PDE4D: variants seen among roughly 807,000 people sequenced by gnomAD.
The protein encoded by PDE4D is phosphodiesterase 4D, also known as 3',5'-cyclic-AMP phosphodiesterase 4D.
PDE4D carries 24 observed loss-of-function variants against 87.4 expected under a neutral mutation model. The observed-to-expected ratio is 0.27, with a 90% CI of 0.20 to 0.39. The LOEUF (loss-of-function observed/expected upper bound fraction) is 0.39. Ranked by LOEUF, PDE4D falls within the 10% of genes least tolerant of loss-of-function variation. PDE4D has a pLI of 1.00. For missense variants in PDE4D, 714 were observed against 1,041.0 expected, an observed-to-expected ratio of 0.69 and a Z score of 4.32; for synonymous variants, 384 against 383.2, an observed-to-expected ratio of 1.00 and a Z score of -0.02.
At chr5:60,035,230 T>C (rs1414321445) in intron 2 of PDE4D, among the ~76,000 whole-genome samples, 1 of 147,224 alleles carries the variant, frequency 6.8e-6, no homozygotes, top group Non-Finnish European at 1.5e-5. Context: ...CACACCAGCC[T>C]GGGCAACAGA....
intron 1 of PDE4D, among the ~76,000 whole-genome samples, chr5:59,758,464 C>T (rs1240905486): frequency 1.3e-5 from 2 of 152,084 alleles, no homozygotes; most frequent in Non-Finnish European, 2.9e-5. Context: ...GAATAAGTGC[C>T]TCATCTGAAA....
intron 1 of PDE4D, among the ~76,000 whole-genome samples, chr5:59,294,161 A>G (rs1403602799): frequency 1.3e-5 from 2 of 152,160 alleles, no homozygotes; most frequent in Admixed American, 6.6e-5. Context: ...TAGTATGCGG[A>G]CAGACCTACT....
chr5:60,109,647 G>T lies in PDE4D; in HGVS notation c.42+75910C>A, dbSNP rs140720395. Among the ~76,000 whole-genome samples, 656 of 152,296 alleles carry T rather than the reference G, an allele frequency of 4.3e-3. 5 individuals are homozygous for T. The highest frequency in any genetic ancestry group is 0.015 in the African/African-American group (638 of 41,552). ...CAATGATAGACTGGATTAAGAAAAT[G>T]TGGCACATATACACCATGGAATAAT... On this transcript the variant is annotated intron_variant, in intron 2 of 16. Coordinates refer to the PDE4D transcript ENST00000502484.
chr5:60,124,969 C>T (rs1779002014), intron 2 of PDE4D, among the ~76,000 whole-genome samples: 2 of 152,180 alleles, frequency 1.3e-5, no homozygotes, highest in Non-Finnish European at 1.5e-5. Flanking sequence ...CAAGCCTTTC[C>T]TCACTCTAGG....
intron 1 of PDE4D, among the ~76,000 whole-genome samples, chr5:59,537,581 T>C (rs1037989121): frequency 4.6e-5 from 7 of 152,158 alleles, no homozygotes; most frequent in African/African-American, 1.7e-4. Context: ...AAAAGTAAAA[T>C]AACTTCAGAA....
At chr5:60,043,500 T>G (rs553198568) in intron 2 of PDE4D, among the ~76,000 whole-genome samples, 6 of 152,168 alleles carry the variant, frequency 3.9e-5, no homozygotes, top group Admixed American at 3.9e-4. Flanking sequence ...ATCATCAGAT[T>G]CACCAAGGTC....
intron 1 of PDE4D, among the ~76,000 whole-genome samples, chr5:59,324,935 G>A (rs1427214597): frequency 6.6e-6 from 1 of 152,130 alleles, no homozygotes; most frequent in Admixed American, 6.6e-5. Context: ...AGGCTGCATG[G>A]CATCATGGTA....
At chr5:60,145,622 A>T (rs1162647003) in intron 2 of PDE4D, among the ~76,000 whole-genome samples, 1 of 152,162 alleles carries the variant, frequency 6.6e-6, no homozygotes, top group Non-Finnish European at 1.5e-5. Context: ...ACATCCTTTG[A>T]GGTTTTCCTA....
intron 1 of PDE4D, among the ~76,000 whole-genome samples, chr5:59,360,423 A>T (rs948200366): frequency 6.6e-6 from 1 of 152,154 alleles, no homozygotes; most frequent in Non-Finnish European, 1.5e-5. Context: ...GCAGAAGTTA[A>T]TGTGGAAGCA....
At chr5:59,062,532 T>A (rs1396193792) in intron 5 of PDE4D, among the ~76,000 whole-genome samples, 2 of 152,028 alleles carry the variant, frequency 1.3e-5, no homozygotes, top group Non-Finnish European at 2.9e-5. Flanking sequence ...TCCTTGTTCT[T>A]GGGAGGAATA....
chr5:59,008,187 C>T (rs1411811901), intron 6 of PDE4D, among the ~76,000 whole-genome samples: 1 of 151,918 alleles, frequency 6.6e-6, no homozygotes, highest in Non-Finnish European at 1.5e-5. Context: ...AATGAAGCCT[C>T]CACAAAAATA....
intron 5 of PDE4D, among the ~76,000 whole-genome samples, chr5:59,162,892 C>A: frequency 6.8e-6 from 1 of 146,218 alleles, no homozygotes; most frequent in South Asian, 2.2e-4. Flanking sequence ...TATTTTTAAT[C>A]TGAGAGCATA....
rs192622856 is a variant in PDE4D at position 60,104,313 on chromosome 5, C to G, written c.42+81244G>C. ...GGTGGCAGCGAGGCTGGGGGAGAGG[C>G]GCCCACCATTGCCCAGGCTTGCTTA... On this transcript the variant is annotated intron_variant, in intron 2 of 16. Coordinates refer to the PDE4D transcript ENST00000502484. Among the ~76,000 whole-genome samples, 5 of 152,302 alleles carry G rather than the reference C, an allele frequency of 3.3e-5. No individual in the cohort carries two copies. The South Asian group carries it at 6.2e-4, about 19-fold the overall frequency.
At chr5:59,169,312 GTTCTT>G (rs1782392742) in intron 5 of PDE4D, among the ~76,000 whole-genome samples, 1 of 82,660 alleles carries the variant, frequency 1.2e-5, no homozygotes, top group Non-Finnish European at 2.4e-5. Flanking sequence ...AGTTTGTGTG[GTTCTT>G]TTATTTTTTT....
chr5:59,427,034 CACACACACACA>C (rs1795352872), intron 1 of PDE4D, among the ~76,000 whole-genome samples: 1 of 104,806 alleles, frequency 9.5e-6, no homozygotes, highest in Non-Finnish European at 2.1e-5. Context: ...CACACACACA[CACACACACACA>C]CACATTACAT....
intron 1 of PDE4D, among the ~76,000 whole-genome samples, chr5:59,306,308 C>T (rs1001446054): frequency 6.6e-6 from 1 of 152,146 alleles, no homozygotes; most frequent in Admixed American, 6.6e-5. Flanking sequence ...CTCCTGAAGG[C>T]AGCAGATAGT....
chr5:59,562,620 T>A (rs1407694685), intron 1 of PDE4D, among the ~76,000 whole-genome samples: 1 of 152,236 alleles, frequency 6.6e-6, no homozygotes, highest in Non-Finnish European at 1.5e-5. Flanking sequence ...CGTCTCTTTG[T>A]CACTCACAAT....
At chr5:60,226,682 G>C (rs539417453) in intron 1 of PDE4D, among the ~76,000 whole-genome samples, 5 of 152,048 alleles carry the variant, frequency 3.3e-5, no homozygotes, top group Non-Finnish European at 5.9e-5. Context: ...AAGAGTTAAG[G>C]CTACCCTAAA....
At chr5:58,989,391 A>G (rs1263225054) in intron 10 of PDE4D, among the ~76,000 whole-genome samples, 2 of 152,112 alleles carry the variant, frequency 1.3e-5, no homozygotes, top group Non-Finnish European at 2.9e-5. Flanking sequence ...AAAAATATCA[A>G]TATATTGCTT....
Sources: allele counts gnomAD v4.1 joint callset (sites outside exome capture counted in the v4.1 genomes callset), GRCh38; gene constraint gnomAD v4.1.1; transcripts MANE v1.5; gene names NCBI Gene and HGNC (gene_info 2026-07-23, HGNC 2026-07-21).